AK5: variants seen among roughly 807,000 people sequenced by gnomAD.
The protein encoded by AK5 is adenylate kinase 5.
In AK5, 27 loss-of-function variants were observed where a neutral mutation model predicts 69.5. The ratio of observed to expected loss-of-function variants is 0.39; its 90% confidence interval spans 0.29 to 0.54. AK5 has a LOEUF of 0.54. Ranked by LOEUF, AK5 falls within the 20% of genes least tolerant of loss-of-function variation. The pLI is 0.71. For synonymous variants in AK5, 260 were observed against 244.4 expected (o/e 1.06, Z -0.60); for missense variants, 531 against 700.4 (o/e 0.76, Z 2.73).
chr1:77,438,586 G>A (rs1652116109), intron 8 of AK5, among the ~76,000 whole-genome samples: 1 of 152,040 alleles, frequency 6.6e-6, no homozygotes, highest in South Asian at 2.1e-4. Context: ...TTTGCTCTGG[G>A]AAGATGTTCA....
chr1:77,373,738 A>G (rs918182798), intron 6 of AK5, among the ~76,000 whole-genome samples: 1 of 152,060 alleles, frequency 6.6e-6, no homozygotes, highest in African/African-American at 2.4e-5. Flanking sequence ...AAAAGAAAAA[A>G]AAAAAACAAA....
intron 6 of AK5, among the ~76,000 whole-genome samples, chr1:77,377,481 A>G (rs1312178634): frequency 6.6e-6 from 1 of 152,144 alleles, no homozygotes; most frequent in Non-Finnish European, 1.5e-5. Flanking sequence ...GTTTTGATTT[A>G]GTCTCTTCCT....
intron 10 of AK5, among the ~76,000 whole-genome samples, chr1:77,514,967 C>A (rs931820305): frequency 6.6e-6 from 1 of 152,194 alleles, no homozygotes; most frequent in Non-Finnish European, 1.5e-5. Context: ...CACTTGCACC[C>A]CTTAGTCATT....
chr1:77,558,476 T>TG (rs1660243240), intron 13 of AK5, 126 bp from the exon 14 acceptor site: 1 of 476,226 alleles, frequency 2.1e-6, no homozygotes, highest in Non-Finnish European at 3.7e-6. Flanking sequence ...TCTCTGTGTT[T>TG]TGGGGGGGGT....
chr1:77,524,377 A>G (rs1570308643), intron 12 of AK5, among the ~76,000 whole-genome samples: 1 of 152,220 alleles, frequency 6.6e-6, no homozygotes, highest in Admixed American at 6.5e-5. Flanking sequence ...ATACATACAT[A>G]CTGCCAGCCA....
At chr1:77,371,936 C>T (rs1457361061) in intron 6 of AK5, among the ~76,000 whole-genome samples, 1 of 152,190 alleles carries the variant, frequency 6.6e-6, no homozygotes, top group Non-Finnish European at 1.5e-5. Flanking sequence ...CTTGACCTCT[C>T]AGAAGTGATC....
intron 6 of AK5, among the ~76,000 whole-genome samples, chr1:77,387,765 A>G (rs569145826): frequency 6.6e-6 from 1 of 152,338 alleles, no homozygotes; most frequent in African/African-American, 2.4e-5. Context: ...AGCCTCTTGC[A>G]TCTTGCTTAA....
intron 6 of AK5, among the ~76,000 whole-genome samples, chr1:77,391,380 CA>C (rs201607684): frequency 7.1e-4 from 83 of 116,376 alleles, no homozygotes; most frequent in East Asian, 1.8e-3. Context: ...GTACTTTATG[CA>C]AAAAAAAAAA....
intron 9 of AK5, among the ~76,000 whole-genome samples, chr1:77,485,279 T>C (rs1294275358): frequency 2.0e-5 from 3 of 152,230 alleles, no homozygotes; most frequent in Admixed American, 6.5e-5. Flanking sequence ...TATCCTCTGT[T>C]TCCAGCTCTT....
chr1:77,461,464 A>T (rs566879318), intron 8 of AK5, among the ~76,000 whole-genome samples: 5,809 of 152,068 alleles, frequency 0.038, 164 homozygotes, highest in South Asian at 0.13. Context: ...GACAGGTAGA[A>T]AGAATACATT....
intron 10 of AK5, among the ~76,000 whole-genome samples, chr1:77,493,181 G>A (rs1407457173): frequency 1.3e-5 from 2 of 152,166 alleles, no homozygotes; most frequent in East Asian, 1.9e-4. Flanking sequence ...AGTGGACTGA[G>A]TAAGGAAGAT....
chr1:77,350,812 G>A (rs200452437), intron 6 of AK5, among the ~76,000 whole-genome samples: 2 of 152,144 alleles, frequency 1.3e-5, no homozygotes, highest in African/African-American at 2.4e-5. Context: ...GGGAAGGAAA[G>A]GGAATGTAAT....
intron 13 of AK5, 125 bp from the exon 14 acceptor site, chr1:77,558,477 T>TTG (rs1557673882): frequency 1.9e-5 from 10 of 515,558 alleles, no homozygotes; most frequent in Admixed American, 7.4e-5. Flanking sequence ...CTCTGTGTTT[T>TTG]GGGGGGGGTC....
chr1:77,369,803 A>G (rs142703187), intron 6 of AK5, among the ~76,000 whole-genome samples: 1 of 152,222 alleles, frequency 6.6e-6, no homozygotes, highest in Non-Finnish European at 1.5e-5. Context: ...GAGTAGTTTC[A>G]AAAAGTGTTT....
intron 8 of AK5, among the ~76,000 whole-genome samples, chr1:77,479,454 C>T (rs184077208): frequency 6.6e-6 from 1 of 152,214 alleles, no homozygotes; most frequent in Admixed American, 6.5e-5. Context: ...GATCCGTCTG[C>T]CTTGGCCTCC....
chr1:77,340,039 G>A (rs574811712), intron 5 of AK5, among the ~76,000 whole-genome samples: 19 of 152,270 alleles, frequency 1.2e-4, no homozygotes, highest in Admixed American at 3.3e-4. Context: ...TGGCCCAGTA[G>A]TTCCTCCCAT....
chr1:77,337,429 T>C (rs1005583886), intron 5 of AK5, among the ~76,000 whole-genome samples: 19 of 152,226 alleles, frequency 1.2e-4, no homozygotes, highest in African/African-American at 4.6e-4. Context: ...AGTTTTTTCT[T>C]ATATTTTAAT....
Position 77,368,343 on chromosome 1 carries a change from A to ATATGT in AK5, c.891+27778_891+27779insGTTAT, listed in dbSNP as rs1475898353. On this transcript the variant is annotated intron_variant, in intron 6 of 13. Coordinates refer to ENST00000354567, the MANE Select transcript of AK5 (RefSeq NM_174858.3). The stretch of plus-strand genomic sequence containing the variant: ...ATAATATATATGTTATATATGTTAT[A>ATATGT]TATATATGTTGTGTATATATATACA... 8.5e-3 allele frequency among the ~76,000 whole-genome samples: 1,121 copies of ATATGT among 131,928 alleles called. 17 individuals carry two copies. Among genetic ancestry groups the ATATGT allele is most frequent in the African/African-American group, 0.032 (1,073 of 33,708 alleles). 86.5% of individuals were successfully genotyped at this position (131,928 alleles called of 152,430 possible).
chr1:77,304,823 T>C (rs1323286723), intron 5 of AK5, among the ~76,000 whole-genome samples: 1 of 152,246 alleles, frequency 6.6e-6, no homozygotes, highest in African/African-American at 2.4e-5. Context: ...CTCTTCGATA[T>C]ACTGATTTCC....
Sources: gnomAD v4.1 joint callset for allele counts (sites outside exome capture counted in the v4.1 genomes callset) on GRCh38, gnomAD v4.1.1 for gene constraint, MANE v1.5 for transcripts, NCBI Gene and HGNC (gene_info 2026-07-23, HGNC 2026-07-21) for gene names.